The following SETD6 variants were observed in gnomAD, a reference collection of about 807,000 sequenced individuals.
The protein encoded by SETD6 is N-lysine methyltransferase SETD6.
In SETD6, 67 loss-of-function variants were observed where a neutral mutation model predicts 52.7. That is an observed-to-expected ratio of 1.27 (90% CI 1.04 to 1.56). The LOEUF (loss-of-function observed/expected upper bound fraction) is 1.56. Among genes scored for constraint, SETD6 ranks in the 40% most tolerant of loss-of-function variants. The pLI is 0.00. For synonymous variants in SETD6, 307 were observed against 250.2 expected (o/e 1.23, Z -2.14); for missense variants, 712 against 607.5 (o/e 1.17, Z -1.81).
Position 58,518,139 on chromosome 16 carries a change from T to G in SETD6, c.881T>G (p.Ile294Ser). 1 of 1,614,206 alleles carries G rather than the reference T, an allele frequency of 6.2e-7. No homozygotes were observed. The highest frequency in any genetic ancestry group is 8.5e-7 in the Non-Finnish European group (1 of 1,180,042). The change falls in exon 6 of 8, where the codon ATT becomes AGT. Residue 294 changes from isoleucine (I) to serine (S), a missense_variant. Ile to Ser is a moderately radical substitution (Grantham distance 142, BLOSUM62 -2). Transcript: ENST00000219315. ...TYGQMANWQL[I>S]HMYGFVEPYP... The stretch of plus-strand genomic sequence containing the variant: ...GGGCAAATGGCTAACTGGCAACTGA[T>G]TCATATGTACGGTTTTGTTGAACCA...
rs775914423 is a variant in SETD6, at chr16:58,516,301, C to T, written c.434C>T (p.Ala145Val). Residue 145 changes from alanine (A) to valine (V), a missense_variant, in exon 3 of 8, where the codon GCG becomes GTG. Transcript: ENST00000219315. ...GCCTCACGCTGGAGGCCCTACTTTG[C>T]GCTCTGGCCCGAGCTGGGCCGCTTG... ...APASRWRPYF[A>V]LWPELGRLEH... 1 of 1,605,778 alleles carries T rather than the reference C, an allele frequency of 6.2e-7. No homozygotes were observed. Among genetic ancestry groups the T allele is most frequent in the Non-Finnish European group, 8.5e-7 (1 of 1,179,856 alleles).
rs917641728 is a variant in SETD6 at position 58,515,557 on chromosome 16, G to A, written c.20G>A (p.Arg7His). Reference protein sequence around the residue: MATQAKRPRVAGPVDGG... With the variant: MATQAKHPRVAGPVDGG... ...TAGACCATGGCGACCCAGGCGAAGC[G>A]TCCACGGGTGAGTGGCGGGCGCGGG... The change falls in exon 1 of 8, where the codon CGT (arginine) becomes CAT (histidine). Residue 7 changes from arginine to histidine, a missense_variant. Coordinates refer to ENST00000219315, the MANE Select transcript of SETD6 (RefSeq NM_001160305.4). The A allele has an allele frequency of 1.9e-6, 3 of 1,587,028 alleles. No individual in the cohort carries two copies. Among genetic ancestry groups the A allele is most frequent in the South Asian group, 1.1e-5 (1 of 87,874 alleles).
rs56149974 is a variant in SETD6, at chr16:58,522,237, CAAAAAAAAAAAAAAAAA to C, written c.*3222_*3238del. Among the ~76,000 whole-genome samples the C allele has an allele frequency of 1.8e-3, 180 of 98,586 alleles. 4 individuals are homozygous for C. The South Asian group carries it at 0.04, about 22-fold the overall frequency. 64.7% of individuals were successfully genotyped at this position (98,586 alleles called of 152,430 possible). ...AGGAGGCGACAAAGCGAGACTGTCT[CAAAAAAAAAAAAAAAAA>C]AAAAAAAAAAAAAGCTAACATTGCT... On this transcript the variant is annotated 3_prime_UTR_variant, in exon 8 of 8. Coordinates refer to ENST00000219315, the MANE Select transcript of SETD6 (RefSeq NM_001160305.4).
At position 58,520,366 on chromosome 16, in the gene SETD6, T is replaced by C. The variant is rs2039328156; in HGVS notation, c.*1337T>C. 6.5e-6 allele frequency: 1 copy of C among 153,392 alleles called. No homozygotes were observed. The highest frequency in any genetic ancestry group is 2.1e-4 in the South Asian group (1 of 4,876). 9.5% of individuals were successfully genotyped at this position (153,392 alleles called of 1,614,324 possible). On this transcript the variant is annotated 3_prime_UTR_variant, in exon 8 of 8. Transcript: ENST00000219315. ...TAAGATGGTACAAATGCAGTCAGCTTTGGAATACGTTTGGGTAGAGACAAA... is the reference window on the plus strand; with the variant it reads ...TAAGATGGTACAAATGCAGTCAGCTCTGGAATACGTTTGGGTAGAGACAAA...
chr16:58,521,126 G>A lies in SETD6; in HGVS notation c.*2097G>A, dbSNP rs542950385. 11 of 1,613,124 alleles carry A rather than the reference G, an allele frequency of 6.8e-6. No homozygotes were observed. Among genetic ancestry groups the A allele is most frequent in the Non-Finnish European group, 9.3e-6 (11 of 1,179,366 alleles). On this transcript the variant is annotated 3_prime_UTR_variant, in exon 8 of 8. Transcript: ENST00000219315. ...ATTCAGCTGACCCAACCTAGAGACAGATGGTTTTCAGTCTCCAGTCTCATT... is the reference window on the plus strand; with the variant it reads ...ATTCAGCTGACCCAACCTAGAGACAAATGGTTTTCAGTCTCCAGTCTCATT...
chr16:58,516,957 T>C, intron 5 of SETD6, 29 bp downstream of exon 5: 7 of 1,614,076 alleles, frequency 4.3e-6, no homozygotes, highest in Non-Finnish European at 5.9e-6. Context: ...GGTGCACTGA[T>C]TGAGCATGAT....
chr16:58,521,199 C>A lies in SETD6; in HGVS notation c.*2170C>A. 1 of 1,613,710 alleles carries A rather than the reference C, an allele frequency of 6.2e-7. No individual in the cohort carries two copies. Reference sequence around the variant, plus strand: ...TGAACTCACTTTTCGATTTCTGGGGCACAGTGTACAAATTCATGGTTCCAG... The same window carrying A: ...TGAACTCACTTTTCGATTTCTGGGGAACAGTGTACAAATTCATGGTTCCAG... On this transcript the variant is annotated 3_prime_UTR_variant, in exon 8 of 8. Coordinates refer to ENST00000219315, the MANE Select transcript of SETD6 (RefSeq NM_001160305.4).
chr16:58,518,736 C>T lies in SETD6; in HGVS notation c.1129C>T (p.Pro377Ser), dbSNP rs2039262182. Residue 377 changes from proline to serine, a missense_variant, in exon 8 of 8, where the codon CCT becomes TCT. Coordinates refer to ENST00000219315, the MANE Select transcript of SETD6 (RefSeq NM_001160305.4). Reference protein sequence around the residue: ...LTTTLKVLCMPAEEFRELKDQ... With the variant: ...LTTTLKVLCMSAEEFRELKDQ... ...TGGTTGCTTCTAGGTACTGTGCATG[C>T]CTGCTGAGGAGTTCAGAGAGCTTAA... The T allele has an allele frequency of 6.2e-7, 1 of 1,613,846 alleles. No individual in the cohort carries two copies. The highest frequency in any genetic ancestry group is 8.5e-7 in the Non-Finnish European group (1 of 1,179,934).
At position 58,518,852 on chromosome 16, in the gene SETD6, G is replaced by A. The variant is rs768954782; in HGVS notation, c.1245G>A (p.Leu415=). ...AGCTCAAAGCATCGTGGAGACAGCT[G>A]CTTCAAAACAGTGTTCTACTGACTT... is the stretch of plus-strand genomic sequence containing the variant. ...IPKLKASWRQ[L]LQNSVLLTLQ... The change falls in exon 8 of 8, where the codon CTG becomes CTA. Residue 415 remains leucine (L), a synonymous_variant. Transcript: ENST00000219315. 6.2e-7 allele frequency: 1 copy of A among 1,614,200 alleles called. No individual in the cohort carries two copies. The highest frequency in any genetic ancestry group is 1.3e-5 in the African/African-American group (1 of 75,048).
Position 58,522,084 on chromosome 16 carries a change from C to T in SETD6, c.*3055C>T, listed in dbSNP as rs958995416. Among the ~76,000 whole-genome samples, 1 of 151,778 alleles carries T rather than the reference C, an allele frequency of 6.6e-6. No individual in the cohort carries two copies. The highest frequency in any genetic ancestry group is 2.4e-5 in the African/African-American group (1 of 41,296). On this transcript the variant is annotated 3_prime_UTR_variant, in exon 8 of 8. Coordinates refer to ENST00000219315, the MANE Select transcript of SETD6 (RefSeq NM_001160305.4). ...CCTGTAATCCCAGCACTCTGGGAGG[C>T]CAAGACGGGTGGATCACGAGGTCGG...
rs368994803 is a variant in SETD6, at chr16:58,518,195, A to G, written c.937A>G (p.Ile313Val). ...YPDNTDDTAD[I>V]QMVTVREAAL... is the part of the protein sequence containing the mutation. Reference sequence around the variant, plus strand: ...TGACAACACAGATGACACAGCTGACATTCAGATGGTGACAGTTCGTGAGGC... The same window carrying G: ...TGACAACACAGATGACACAGCTGACGTTCAGATGGTGACAGTTCGTGAGGC... The change falls in exon 6 of 8, where the codon ATT becomes GTT. Residue 313 changes from isoleucine to valine, a missense_variant. Transcript: ENST00000219315. 1.6e-4 allele frequency: 263 copies of G among 1,614,128 alleles called. No individual in the cohort carries two copies. The highest frequency in any genetic ancestry group is 2.1e-4 in the Non-Finnish European group (253 of 1,180,052).
chr16:58,519,646 T>TAAAAA lies in SETD6; in HGVS notation c.*629_*633dup, dbSNP rs5817152. 1 of 146,754 alleles carries TAAAAA rather than the reference T, an allele frequency of 6.8e-6. No homozygotes were observed. The highest frequency in any genetic ancestry group is 2.1e-4 in the South Asian group (1 of 4,752). The allele number at this position is 146,754 out of a possible 1,614,324, so 9.1% of individuals were successfully genotyped here. A position where few individuals can be genotyped will look rare whatever the true frequency, so the allele number is the denominator to read the frequency against. The stretch of plus-strand genomic sequence containing the variant: ...TAAATACGTATCTACTCATTTTCTT[T>TAAAAA]AAAAAAAAAAAAAAAATACCTGGGG... On this transcript the variant is annotated 3_prime_UTR_variant, in exon 8 of 8. Coordinates refer to ENST00000219315, the MANE Select transcript of SETD6 (RefSeq NM_001160305.4).
In SETD6 at chr16:58,522,015, G is replaced by A. The variant is rs1016772749; in HGVS notation, c.*2986G>A. On this transcript the variant is annotated 3_prime_UTR_variant, in exon 8 of 8. Transcript: ENST00000219315. ...TCAATAAAAAGGAAACAGAAAATAA[G>A]AATTAAGTATTCTAACACTGCAGGC... is the stretch of plus-strand genomic sequence containing the variant. Among the ~76,000 whole-genome samples the A allele has an allele frequency of 3.3e-5, 5 of 151,226 alleles. No individual in the cohort carries two copies. The highest frequency in any genetic ancestry group is 1.2e-4 in the African/African-American group (5 of 41,132).
chr16:58,519,030 C>T lies in SETD6; in HGVS notation c.*1C>T. On this transcript the variant is annotated 3_prime_UTR_variant, in exon 8 of 8. Transcript: ENST00000219315. ...TCAGTTGTTGGAGCTGACAAGTTAG[C>T]AGTTTCCCTGTTCCCTGAAGGAACA... 1 of 1,605,928 alleles carries T rather than the reference C, an allele frequency of 6.2e-7. No individual in the cohort carries two copies. Among genetic ancestry groups the T allele is most frequent in the Non-Finnish European group, 8.5e-7 (1 of 1,175,268 alleles).
chr16:58,516,357 G>A lies in SETD6; in HGVS notation c.476+14G>A, dbSNP rs375828401. ...CCCGATGTTCTGGTGAGAGCCTTGG[G>A]AGGGGTTGGGGAGCGCCTGCACCGT... On this transcript the variant is annotated intron_variant, in intron 3 of 7. Transcript: ENST00000219315. The A allele has an allele frequency of 1.2e-6, 2 of 1,610,064 alleles. No individual in the cohort carries two copies. The highest frequency in any genetic ancestry group is 1.7e-6 in the Non-Finnish European group (2 of 1,179,832).
At chr16:58,516,450 G>T in intron 3 of SETD6, 28 bp from the exon 4 acceptor site, 2 of 1,613,500 alleles carry the variant, frequency 1.2e-6, no homozygotes, top group South Asian at 2.2e-5. Flanking sequence ...AAGGAATGAA[G>T]GGAACCTGGG....
chr16:58,519,151 G>A lies in SETD6; in HGVS notation c.*122G>A. The stretch of plus-strand genomic sequence containing the variant: ...TGCTTACTAAACACCAAGAGGAAAA[G>A]TAGCAAAGTTGGTGTGCTAGGATTA... On this transcript the variant is annotated 3_prime_UTR_variant, in exon 8 of 8. Coordinates refer to ENST00000219315, the MANE Select transcript of SETD6 (RefSeq NM_001160305.4). 9.8e-7 allele frequency: 1 copy of A among 1,019,248 alleles called. No individual in the cohort carries two copies. The highest frequency in any genetic ancestry group is 1.4e-6 in the Non-Finnish European group (1 of 719,700). 63.1% of individuals were successfully genotyped at this position (1,019,248 alleles called of 1,614,324 possible).
In SETD6 at chr16:58,521,904, T is replaced by TG. The variant is rs2039392344; in HGVS notation, c.*2877dup. On this transcript the variant is annotated 3_prime_UTR_variant, in exon 8 of 8. Coordinates refer to ENST00000219315, the MANE Select transcript of SETD6 (RefSeq NM_001160305.4). ...AGGTGGAGGTTGTGGTGAGCCGAGATGGTGCCACTGCACTCCAGCCTGGGA... is the reference window on the plus strand; with the variant it reads ...AGGTGGAGGTTGTGGTGAGCCGAGATGGGTGCCACTGCACTCCAGCCTGGGA... Among the ~76,000 whole-genome samples the TG allele has an allele frequency of 1.3e-5, 2 of 152,124 alleles. No individual in the cohort carries two copies. The highest frequency in any genetic ancestry group is 4.8e-5 in the African/African-American group (2 of 41,428).
intron 6 of SETD6, 75 bp from the exon 7 acceptor site, chr16:58,518,326 A>G (rs754449824): frequency 3.0e-5 from 48 of 1,594,922 alleles, no homozygotes; most frequent in Non-Finnish European, 3.9e-5. Context: ...TTGACTTTGT[A>G]GACTGGGTGG....
Sources: gnomAD v4.1 joint callset for allele counts (sites outside exome capture counted in the v4.1 genomes callset) on GRCh38, gnomAD v4.1.1 for gene constraint, MANE v1.5 for transcripts, NCBI Gene and HGNC (gene_info 2026-07-23, HGNC 2026-07-21) for gene names.